The following SCAP variants were observed in gnomAD, a reference collection of about 807,000 sequenced individuals.
The protein encoded by SCAP is SREBF chaperone.
Under a neutral mutation model 123.6 loss-of-function variants are expected in SCAP, and 65 were observed. The observed-to-expected ratio is 0.53, with a 90% CI of 0.43 to 0.65. The LOEUF (loss-of-function observed/expected upper bound fraction) is 0.65. SCAP is among the 30% of genes least tolerant of loss of function. The pLI, the probability that SCAP is intolerant of heterozygous loss-of-function variation, is 0.00. For synonymous variants in SCAP, 740 were observed against 726.3 expected, an observed-to-expected ratio of 1.02 and a Z score of -0.30; for missense variants, 1,398 against 1,712.5, an observed-to-expected ratio of 0.82 and a Z score of 3.24.
At chr3:47,454,722 C>A (rs529929507) in intron 1 of SCAP, among the ~76,000 whole-genome samples, 1 of 151,954 alleles carries the variant, frequency 6.6e-6, no homozygotes, top group East Asian at 1.9e-4. Context: ...CACTCCAGCC[C>A]AGATGACAGA....
intron 2 of SCAP, among the ~76,000 whole-genome samples, chr3:47,437,170 T>G (rs569819873): frequency 1.3e-5 from 2 of 152,316 alleles, no homozygotes; most frequent in East Asian, 3.9e-4. Context: ...CCAGGCACAG[T>G]GGCTCACGCC....
intron 1 of SCAP, among the ~76,000 whole-genome samples, chr3:47,454,346 C>T (rs985906799): frequency 4.0e-5 from 6 of 150,566 alleles, no homozygotes; most frequent in African/African-American, 9.8e-5. Context: ...CCCATCTGGG[C>T]GAAAGAGTGA....
chr3:47,470,246 G>A lies in SCAP; in HGVS notation c.-99+5553C>T, dbSNP rs1707980772. Among the ~76,000 whole-genome samples, 3 of 152,150 alleles carry A rather than the reference G, an allele frequency of 2.0e-5. No homozygotes were observed. The South Asian group carries it at 6.2e-4, about 32-fold the overall frequency. ...CAAACCATCATACATTTAGGCCAAT[G>A]GTTATATGTAGGCTCAGGTAAGAAG... is the stretch of plus-strand genomic sequence containing the variant. On this transcript the variant is annotated intron_variant, in intron 1 of 22. Transcript: ENST00000265565.
Position 47,419,836 on chromosome 3 carries a change from G to A in SCAP, c.1564-132C>T, listed in dbSNP as rs565687173. On this transcript the variant is annotated intron_variant, in intron 12 of 22. Transcript: ENST00000265565. The surrounding 1 kb of genome is among the most constrained non-coding windows in gnomAD (Gnocchi z 5.0). ...GGAGAGAGGACACAGGCCCCACTGC[G>A]TCCTTTTCTCCTGCCTCTCCAAGTC... 4.9e-5 allele frequency: 52 copies of A among 1,059,508 alleles called. No homozygotes were observed. In the African/African-American group the frequency reaches 6.8e-4, roughly 14 times the overall value. 65.6% of individuals were successfully genotyped at this position (1,059,508 alleles called of 1,614,324 possible).
chr3:47,441,795 T>C (rs1039041495), intron 2 of SCAP, among the ~76,000 whole-genome samples: 1 of 150,034 alleles, frequency 6.7e-6, no homozygotes, highest in African/African-American at 2.4e-5. Flanking sequence ...AATGGAAACA[T>C]AACTGGACCA....
chr3:47,431,594 T>C (rs1706360664), intron 3 of SCAP, among the ~76,000 whole-genome samples: 1 of 152,126 alleles, frequency 6.6e-6, no homozygotes, highest in Non-Finnish European at 1.5e-5. Context: ...GTCAGGCATT[T>C]TGTAGGGTGT....
Position 47,426,184 on chromosome 3 carries a change from G to A in SCAP, c.738-15C>T, listed in dbSNP as rs1432094245. 1 of 1,609,554 alleles carries A rather than the reference G, an allele frequency of 6.2e-7. No homozygotes were observed. Among genetic ancestry groups the A allele is most frequent in the Admixed American group, 1.7e-5 (1 of 58,572 alleles). ...TGCCCAGGAACCTGGTCAAGGAGCAGGGTGGGGGTAAATGGAAGTGTTGCT... is the reference window on the plus strand; with the variant it reads ...TGCCCAGGAACCTGGTCAAGGAGCAAGGTGGGGGTAAATGGAAGTGTTGCT... On this transcript the variant is annotated splice_polypyrimidine_tract_variant and intron_variant, in intron 6 of 22. Transcript: ENST00000265565.
At chr3:47,417,270 A>G in intron 17 of SCAP, 34 bp downstream of exon 17, 1 of 1,612,148 alleles carries the variant, frequency 6.2e-7, no homozygotes, top group East Asian at 2.2e-5. Flanking sequence ...CGGGGCGGAC[A>G]GCCGCTCTGC....
In SCAP at chr3:47,417,316, G is replaced by T. The variant is rs748720251; in HGVS notation, c.2958C>A (p.Ser986Arg). 1 of 1,611,960 alleles carries T rather than the reference G, an allele frequency of 6.2e-7. No homozygotes were observed. ...QGNLIVVGRS[S>R]GRLEVWDAIE... ...CCCCTCTGCCCACCTCCAGCCGGCC[G>T]CTGCTCCGCCCCACCACGATGAGGT... is the stretch of plus-strand genomic sequence containing the variant. Residue 986 changes from serine (S) to arginine (R), a missense_variant, in exon 17 of 23, where the codon AGC becomes AGA. Physicochemically the swap from Ser to Arg is moderately radical, Grantham distance 110. This residue lies in a region of SCAP where 828 missense variants were observed against 882.5 expected (regional missense o/e 0.94). Transcript: ENST00000265565.
In SCAP at chr3:47,458,140, T is replaced by C. The variant is rs188260632; in HGVS notation, c.-98-15049A>G. Among the ~76,000 whole-genome samples the C allele has an allele frequency of 4.6e-3, 704 of 151,894 alleles. 11 individuals carry two copies. The highest frequency in any genetic ancestry group is 0.017 in the Middle Eastern group (5 of 294). On this transcript the variant is annotated intron_variant, in intron 1 of 22. Transcript: ENST00000265565. ...CCGTCTCTACTAAAAATACAAAAATTAGCAGGGCGTGGCCAGGCGCAGTGG... is the reference window on the plus strand; with the variant it reads ...CCGTCTCTACTAAAAATACAAAAATCAGCAGGGCGTGGCCAGGCGCAGTGG...
In SCAP at chr3:47,473,570, C is replaced by A. The variant is rs148317079; in HGVS notation, c.-99+2229G>T. ...CATCTGTTCAACGGGGGTGATGACA[C>A]AAACTGTATATGAAGTACCTGTCAG... is the stretch of plus-strand genomic sequence containing the variant. On this transcript the variant is annotated intron_variant, in intron 1 of 22. Transcript: ENST00000265565. Among the ~76,000 whole-genome samples the A allele has an allele frequency of 1.0e-3, 152 of 152,248 alleles. 3 individuals are homozygous for A. Among genetic ancestry groups the A allele is most frequent in the African/African-American group, 3.4e-3 (143 of 41,548 alleles).
chr3:47,429,376 T>C (rs1323267962), intron 3 of SCAP, among the ~76,000 whole-genome samples: 2 of 152,392 alleles, frequency 1.3e-5, no homozygotes, highest in African/African-American at 4.8e-5. Context: ...TTTTTCTTTT[T>C]GAGACAGGGT....
Position 47,428,653 on chromosome 3 carries a change from C to T in SCAP, c.270G>A (p.Val90=), listed in dbSNP as rs1005438250. ...TCACAAATATCTGCTGGACATAAGC[C>T]ACCGGGGCACCCACATACTGCAGAA... is the stretch of plus-strand genomic sequence containing the variant. ...EQPEWYVGAP[V]AYVQQIFVKS... Residue 90 remains valine, a synonymous_variant, in exon 4 of 23, where the codon GTG becomes GTA. Coordinates refer to ENST00000265565, the MANE Select transcript of SCAP (RefSeq NM_012235.4). The T allele has an allele frequency of 1.9e-6, 3 of 1,614,046 alleles. No homozygotes were observed. Among genetic ancestry groups the T allele is most frequent in the Admixed American group, 1.7e-5 (1 of 60,022 alleles).
At position 47,439,005 on chromosome 3, in the gene SCAP, A is replaced by G. The variant is rs150395715; in HGVS notation, c.122+3867T>C. Among the ~76,000 whole-genome samples, 1 of 152,258 alleles carries G rather than the reference A, an allele frequency of 6.6e-6. No individual in the cohort carries two copies. Among genetic ancestry groups the G allele is most frequent in the East Asian group, 1.9e-4 (1 of 5,182 alleles). ...ATGAAAAACTCATACATGATATTTA[A>G]TATGTGCCAGGCACTATTCTAAGCA... On this transcript the variant is annotated intron_variant, in intron 2 of 22. Transcript: ENST00000265565. The surrounding 1 kb of genome is among the most constrained non-coding windows in gnomAD (Gnocchi z 4.0).
intron 8 of SCAP, among the ~76,000 whole-genome samples, chr3:47,424,417 A>C (rs1158004932): frequency 6.6e-6 from 1 of 152,170 alleles, no homozygotes; most frequent in Non-Finnish European, 1.5e-5. Flanking sequence ...CAAGACCCAC[A>C]CCAGTAACTC....
At chr3:47,454,177 C>A (rs1707324716) in intron 1 of SCAP, among the ~76,000 whole-genome samples, 1 of 151,954 alleles carries the variant, frequency 6.6e-6, no homozygotes, top group Non-Finnish European at 1.5e-5. Context: ...ACCATCCTGG[C>A]TAACACAGTG....
chr3:47,475,168 C>G (rs561238862), intron 1 of SCAP, among the ~76,000 whole-genome samples: 10 of 152,232 alleles, frequency 6.6e-5, no homozygotes, highest in East Asian at 1.9e-4. Flanking sequence ...ACTGCCCCCC[C>G]CTCCGCATTC....
intron 1 of SCAP, chr3:47,469,957 CGGT>C: frequency 2.7e-6 from 1 of 368,448 alleles, no homozygotes; most frequent in Non-Finnish European, 5.5e-6. Flanking sequence ...AAGAGAGAAG[CGGT>C]TTTGAAAGAA....
intron 1 of SCAP, among the ~76,000 whole-genome samples, chr3:47,468,850 T>C (rs1707929345): frequency 6.6e-6 from 1 of 152,206 alleles, no homozygotes; most frequent in Admixed American, 6.5e-5. Flanking sequence ...TTTATGGTTT[T>C]AGGTCTAACA....
Sources: allele counts gnomAD v4.1 joint callset (sites outside exome capture counted in the v4.1 genomes callset), GRCh38; gene constraint gnomAD v4.1.1; regional missense constraint gnomAD v4.1.1; non-coding constraint Gnocchi (gnomAD v3.1); transcripts MANE v1.5; gene names NCBI Gene and HGNC (gene_info 2026-07-23, HGNC 2026-07-21).